The following ANXA3 variants were observed in gnomAD, a reference collection of about 807,000 sequenced individuals.
ANXA3 encodes the protein 35-alpha calcimedin.
Under a neutral mutation model 48.8 loss-of-function variants are expected in ANXA3, and 46 were observed. The ratio of observed to expected loss-of-function variants is 0.94; its 90% CI spans 0.74 to 1.21. The LOEUF is 1.21. Ranked by LOEUF, ANXA3 falls within the 50% of genes most tolerant of loss-of-function variation. ANXA3 has a pLI of 0.00. For missense variants in ANXA3, 383 were observed against 378.6 expected (o/e 1.01, Z -0.10); for synonymous variants, 128 against 134.7 (o/e 0.95, Z 0.35).
intron 6 of ANXA3, among the ~76,000 whole-genome samples, chr4:78,586,654 G>C (rs1723185997): frequency 6.6e-6 from 1 of 152,224 alleles, no homozygotes. Context: ...CAATGTAAGA[G>C]ACTCAAATCG....
In ANXA3 at chr4:78,609,431, A is replaced by G. The variant is rs192022335; in HGVS notation, c.913-625A>G. 3.2e-4 allele frequency among the ~76,000 whole-genome samples: 48 copies of G among 152,314 alleles called. 1 individual carries two copies. The East Asian group carries it at 5.8e-3, about 18-fold the overall frequency. On this transcript the variant is annotated intron_variant, in intron 12 of 12. Transcript: ENST00000264908. The stretch of plus-strand genomic sequence containing the variant: ...TCACGTAGTATCTTTTCTGGACAAC[A>G]GTCTATTTTTGGTTGGCCTTGGGAA...
In ANXA3 at chr4:78,591,595, T is replaced by C; in HGVS notation, c.455T>C (p.Phe152Ser). Residue 152 changes from phenylalanine (F) to serine (S), a missense_variant, in exon 7 of 13, where the codon TTC becomes TCC. By Grantham distance (155) the Phe-to-Ser change is radical. Transcript: ENST00000264908. ...ATTAGTTCCGAAACATCTGGTGACT[T>C]CCGGAAAGCTCTGTTGACTTTGGCA... ...DDISSETSGD[F>S]RKALLTLADG... The C allele has an allele frequency of 6.2e-7, 1 of 1,613,714 alleles. No individual in the cohort carries two copies. Among genetic ancestry groups the C allele is most frequent in the African/African-American group, 1.3e-5 (1 of 75,052 alleles).
At chr4:78,570,210 A>T (rs1182101691) in intron 2 of ANXA3, among the ~76,000 whole-genome samples, 1 of 152,198 alleles carries the variant, frequency 6.6e-6, no homozygotes, top group Non-Finnish European at 1.5e-5. Context: ...TAATTAAACA[A>T]GTTATTCCTC....
At chr4:78,581,002 G>A (rs1272784223) in intron 4 of ANXA3, among the ~76,000 whole-genome samples, 3 of 152,200 alleles carry the variant, frequency 2.0e-5, no homozygotes, top group African/African-American at 4.8e-5. Context: ...TCTCACAGTG[G>A]AATAGGATGA....
intron 3 of ANXA3, among the ~76,000 whole-genome samples, 163 bp from the exon 4 acceptor site, chr4:78,578,852 AAAATAAATAAAT>A (rs3840270): frequency 2.7e-4 from 40 of 148,742 alleles, no homozygotes; most frequent in South Asian, 2.1e-4. Context: ...TCAGGCAAAC[AAAATAAATAAAT>A]AAATAAATAA....
chr4:78,607,366 T>C (rs1370564636), intron 12 of ANXA3, among the ~76,000 whole-genome samples: 1 of 151,864 alleles, frequency 6.6e-6, no homozygotes, highest in African/African-American at 2.4e-5. Flanking sequence ...CAGCCTGTCA[T>C]CCTGCCTGTT....
chr4:78,597,644 ACT>A (rs1245206094), intron 10 of ANXA3, among the ~76,000 whole-genome samples: 2 of 151,914 alleles, frequency 1.3e-5, no homozygotes, highest in Non-Finnish European at 2.9e-5. Context: ...ACAGGATCTC[ACT>A]CTGTCACCCA....
intron 2 of ANXA3, among the ~76,000 whole-genome samples, chr4:78,556,181 C>T (rs1162024595): frequency 6.6e-6 from 1 of 152,030 alleles, no homozygotes; most frequent in African/African-American, 2.4e-5. Flanking sequence ...AACAAACATG[C>T]AGACAGCATA....
chr4:78,601,486 A>T (rs748130269), intron 10 of ANXA3, 24 bp from the exon 11 acceptor site: 8 of 1,611,546 alleles, frequency 5.0e-6, no homozygotes, highest in Middle Eastern at 1.6e-4. Flanking sequence ...CGTGAAGCTG[A>T]ACATTATTTG....
At chr4:78,583,448 C>G (rs781284975) in intron 5 of ANXA3, among the ~76,000 whole-genome samples, 1 of 151,706 alleles carries the variant, frequency 6.6e-6, no homozygotes, top group African/African-American at 2.4e-5. Flanking sequence ...ATAGTGAGAA[C>G]TTGTCTCTAC....
intron 2 of ANXA3, among the ~76,000 whole-genome samples, chr4:78,567,848 T>C (rs1297131213): frequency 6.6e-6 from 1 of 152,234 alleles, no homozygotes; most frequent in Admixed American, 6.5e-5. Flanking sequence ...TTTAGGCAAA[T>C]GGAGGAAAGA....
At chr4:78,565,304 C>G (rs755720109) in intron 2 of ANXA3, among the ~76,000 whole-genome samples, 24 of 152,114 alleles carry the variant, frequency 1.6e-4, no homozygotes, top group Non-Finnish European at 2.9e-4. Flanking sequence ...TTAACAGATC[C>G]CTTGGCTGCT....
In ANXA3 at chr4:78,595,861, T is replaced by C; in HGVS notation, c.608T>C (p.Leu203Ser). 6.2e-7 allele frequency: 1 copy of C among 1,610,696 alleles called. No individual in the cohort carries two copies. Among genetic ancestry groups the C allele is most frequent in the Non-Finnish European group, 8.5e-7 (1 of 1,177,024 alleles). The change falls in exon 9 of 13, where the codon TTA becomes TCA. Residue 203 changes from leucine to serine, a missense_variant. Coordinates refer to ENST00000264908, the MANE Select transcript of ANXA3 (RefSeq NM_005139.3). ...GACAAATTCACTGAGATCCTGTGTT[T>C]AAGGAGCTTTCCTCAATTAAAACTA... ...DEDKFTEILCLRSFPQLKLTF... is the reference protein window; with the variant it reads ...DEDKFTEILCSRSFPQLKLTF...
At chr4:78,578,852 A>AAAAGAAAT (rs1553900270) in intron 3 of ANXA3, among the ~76,000 whole-genome samples, 175 bp from the exon 4 acceptor site, 1 of 148,742 alleles carries the variant, frequency 6.7e-6, no homozygotes, top group African/African-American at 2.5e-5. Flanking sequence ...TCAGGCAAAC[A>AAAAGAAAT]AAATAAATAA....
chr4:78,577,227 G>C (rs1225569206), intron 3 of ANXA3, among the ~76,000 whole-genome samples: 1 of 152,096 alleles, frequency 6.6e-6, no homozygotes, highest in Non-Finnish European at 1.5e-5. Context: ...AGGAGCAGAG[G>C]GCATGCAGAG....
chr4:78,564,991 A>AT (rs55971305), intron 2 of ANXA3, among the ~76,000 whole-genome samples: 2,127 of 118,290 alleles, frequency 0.018, 31 homozygotes, highest in Non-Finnish European at 0.022. Context: ...TCTGACTTAG[A>AT]TTTTTTTTTT....
At chr4:78,567,670 A>T (rs1267127768) in intron 2 of ANXA3, among the ~76,000 whole-genome samples, 1 of 152,216 alleles carries the variant, frequency 6.6e-6, no homozygotes, top group Non-Finnish European at 1.5e-5. Flanking sequence ...GAAGAAAGGC[A>T]AATAACTTGC....
chr4:78,561,502 G>A (rs1722627369), intron 2 of ANXA3, among the ~76,000 whole-genome samples: 1 of 152,092 alleles, frequency 6.6e-6, no homozygotes, highest in African/African-American at 2.4e-5. Context: ...GTCCTGTCCA[G>A]TTTCATACTC....
intron 4 of ANXA3, among the ~76,000 whole-genome samples, chr4:78,579,517 A>G (rs539433590): frequency 2.0e-5 from 3 of 152,362 alleles, no homozygotes; most frequent in South Asian, 4.1e-4. Context: ...AGAATGCGCA[A>G]GGCAGCCCTC....
Sources: allele counts gnomAD v4.1 joint callset (sites outside exome capture counted in the v4.1 genomes callset), GRCh38; gene constraint gnomAD v4.1.1; transcripts MANE v1.5; gene names NCBI Gene and HGNC (gene_info 2026-07-23, HGNC 2026-07-21).